Variants in SHANK2 observed in about 807,000 individuals in gnomAD.
SHANK2 encodes SH3 and multiple ankyrin repeat domains 2, also known as SH3 and multiple ankyrin repeat domains protein 2.
SHANK2 carries 43 observed loss-of-function variants against 133.7 expected under a neutral mutation model. The ratio of observed to expected loss-of-function variants is 0.32; its 90% CI spans 0.25 to 0.41. The LOEUF (loss-of-function observed/expected upper bound fraction) is 0.41. Ranked by LOEUF, SHANK2 falls within the 10% of genes least tolerant of loss-of-function variation. SHANK2 has a pLI of 1.00. For synonymous variants in SHANK2, 1,017 were observed against 952.8 expected (o/e 1.07, Z -1.24); for missense variants, 1,994 against 2,235.8 (o/e 0.89, Z 2.18).
At chr11:70,582,990 G>T (rs1032333120) in intron 17 of SHANK2, among the ~76,000 whole-genome samples, 1 of 152,218 alleles carries the variant, frequency 6.6e-6, no homozygotes. Context: ...CAGCAGGCTC[G>T]TGGGGCCAGG....
chr11:70,718,341 G>T (rs1480954497), intron 14 of SHANK2, among the ~76,000 whole-genome samples: 1 of 152,216 alleles, frequency 6.6e-6, no homozygotes, highest in Non-Finnish European at 1.5e-5. Flanking sequence ...CTACACAGAC[G>T]CCCTGAGCCT....
intron 6 of SHANK2, among the ~76,000 whole-genome samples, chr11:71,109,699 T>G (rs1383768966): frequency 1.3e-5 from 2 of 152,256 alleles, no homozygotes; most frequent in African/African-American, 2.4e-5. Context: ...TCCTCAACAA[T>G]TCTGCACTGA....
At chr11:70,952,710 T>G in intron 10 of SHANK2, 1 of 405,826 alleles carries the variant, frequency 2.5e-6, no homozygotes, top group Non-Finnish European at 5.2e-6. Context: ...GGCAGCACTC[T>G]GGGGGACGCA....
rs192642655 is a variant in SHANK2 at position 71,120,040 on chromosome 11, C to T, written c.208-1008G>A. Among the ~76,000 whole-genome samples the T allele has an allele frequency of 2.5e-3, 380 of 152,254 alleles. 4 individuals carry two copies. Among genetic ancestry groups the T allele is most frequent in the Admixed American group, 0.015 (231 of 15,290 alleles). On this transcript the variant is annotated intron_variant, in intron 3 of 25. Coordinates refer to ENST00000601538, the MANE Select transcript of SHANK2 (RefSeq NM_012309.5). ...ACACAGGAAAGCAATTACGGAAAAA[C>T]GATTTGATGGAAAATCAAATCAGTT...
chr11:71,107,988 G>A lies in SHANK2; in HGVS notation c.592+1953C>T, dbSNP rs79822240. Among the ~76,000 whole-genome samples, 1,292 of 152,288 alleles carry A rather than the reference G, an allele frequency of 8.5e-3. 15 individuals carry two copies. The highest frequency in any genetic ancestry group is 0.03 in the African/African-American group (1,242 of 41,582). On this transcript the variant is annotated intron_variant, in intron 6 of 25. Coordinates refer to ENST00000601538, the MANE Select transcript of SHANK2 (RefSeq NM_012309.5). ...TGCCCAGTCCCCCGCAGCAGCATCA[G>A]AAATAGCCCTCGACGAGGCCAAGAT... is the stretch of plus-strand genomic sequence containing the variant.
Position 70,487,203 on chromosome 11 carries a change from A to G in SHANK2, c.3090T>C (p.Pro1030=), listed in dbSNP as rs782388534. ...GCTCCTTCACGATGATGGTCGGGAT[A>G]GGGATGGAGCACGTCTTCTCGGGGC... ...EDSPEKTCSI[P]IPTIIVKEPS... is the part of the protein sequence containing the mutation. Residue 1030 remains proline (P), a synonymous_variant, in exon 25 of 26, where the codon CCT becomes CCC. Coordinates refer to ENST00000601538, the MANE Select transcript of SHANK2 (RefSeq NM_012309.5). The surrounding 1 kb of genome is among the most constrained non-coding windows in gnomAD (Gnocchi z 5.8). 5.6e-6 allele frequency: 9 copies of G among 1,613,752 alleles called. No individual in the cohort carries two copies. In the East Asian group the frequency reaches 1.8e-4, roughly 32 times the overall value.
intron 9 of SHANK2, among the ~76,000 whole-genome samples, chr11:71,073,137 T>TTTTC (rs1951165330): frequency 2.3e-5 from 3 of 132,974 alleles, no homozygotes; most frequent in Non-Finnish European, 3.3e-5. Context: ...GTTTTTTTTC[T>TTTTC]TTTTCTTTTC....
chr11:70,708,963 C>A (rs905052367), intron 14 of SHANK2, among the ~76,000 whole-genome samples: 2 of 152,172 alleles, frequency 1.3e-5, no homozygotes, highest in Non-Finnish European at 2.9e-5. Flanking sequence ...ATAATCCCAG[C>A]ACTTTGGGAG....
intron 2 of SHANK2, among the ~76,000 whole-genome samples, chr11:71,160,114 C>G (rs1356247432): frequency 3.3e-5 from 5 of 152,056 alleles, no homozygotes; most frequent in African/African-American, 1.2e-4. Context: ...CAGGGGACAC[C>G]TGAAGGGCTA....
intron 2 of SHANK2, among the ~76,000 whole-genome samples, chr11:71,155,233 A>C (rs1332383049): frequency 7.7e-5 from 7 of 91,264 alleles, no homozygotes; most frequent in South Asian, 4.3e-4. Context: ...GACCTACCCC[A>C]GCCCACGCTC....
At chr11:70,703,301 G>A in intron 14 of SHANK2, among the ~76,000 whole-genome samples, 1 of 152,254 alleles carries the variant, frequency 6.6e-6, no homozygotes. Flanking sequence ...AGAGCCCATT[G>A]TGGTGCAGCC....
chr11:70,922,081 T>C (rs1201764722), intron 10 of SHANK2, among the ~76,000 whole-genome samples: 1 of 152,098 alleles, frequency 6.6e-6, no homozygotes, highest in Non-Finnish European at 1.5e-5. Flanking sequence ...CAAGAAACAA[T>C]TGAATGCAGA....
At chr11:71,076,545 A>C (rs1951222848) in intron 8 of SHANK2, among the ~76,000 whole-genome samples, 1 of 151,982 alleles carries the variant, frequency 6.6e-6, no homozygotes, top group Non-Finnish European at 1.5e-5. Flanking sequence ...AAAAAAAAAA[A>C]CCACACACAC....
chr11:70,813,480 G>A (rs1948320217), intron 12 of SHANK2, among the ~76,000 whole-genome samples: 1 of 152,126 alleles, frequency 6.6e-6, no homozygotes, highest in South Asian at 2.1e-4. Flanking sequence ...GGGAGCTAGG[G>A]GAGCCCCTGA....
chr11:70,742,584 AC>A (rs1485495943), intron 14 of SHANK2, among the ~76,000 whole-genome samples: 1 of 151,754 alleles, frequency 6.6e-6, no homozygotes, highest in African/African-American at 2.4e-5. Context: ...AGTTCACGCC[AC>A]CCCCCACCCG....
intron 15 of SHANK2, among the ~76,000 whole-genome samples, chr11:70,680,889 T>C (rs950672750): frequency 5.9e-5 from 9 of 152,244 alleles, no homozygotes; most frequent in South Asian, 2.1e-4. Context: ...ACACCTCAGA[T>C]TGGGCACCAG....
chr11:71,105,339 T>C (rs1951785252), intron 6 of SHANK2, among the ~76,000 whole-genome samples: 1 of 152,058 alleles, frequency 6.6e-6, no homozygotes, highest in South Asian at 2.1e-4. Context: ...ACACCTGTAA[T>C]CCCAGCACTT....
Position 70,471,264 on chromosome 11 carries a change from GA to G in SHANK2, c.*1604del, listed in dbSNP as rs879990185. On this transcript the variant is annotated 3_prime_UTR_variant, in exon 26 of 26. Coordinates refer to ENST00000601538, the MANE Select transcript of SHANK2 (RefSeq NM_012309.5). The surrounding 1 kb of genome is among the most constrained non-coding windows in gnomAD (Gnocchi z 4.1). ...TTCCAGACCTAATCAAGAAAAAAAG[GA>G]AAAAAAAAAAACAAAACCATGTTTT... 1.4e-3 allele frequency: 471 copies of G among 335,448 alleles called. No homozygotes were observed. The highest frequency in any genetic ancestry group is 5.5e-3 in the South Asian group (36 of 6,576). The allele number at this position is 335,448 out of a possible 1,614,324, so 20.8% of individuals were successfully genotyped here.
intron 14 of SHANK2, among the ~76,000 whole-genome samples, chr11:70,706,658 G>A (rs1483245146): frequency 3.3e-5 from 5 of 151,856 alleles, no homozygotes; most frequent in Non-Finnish European, 5.9e-5. Flanking sequence ...GAGGGCCATC[G>A]GTCCAGACAC....
Sources: gnomAD v4.1 joint callset for allele counts (sites outside exome capture counted in the v4.1 genomes callset) on GRCh38, gnomAD v4.1.1 for gene constraint, Gnocchi (gnomAD v3.1) non-coding constraint, MANE v1.5 for transcripts, NCBI Gene and HGNC (gene_info 2026-07-23, HGNC 2026-07-21) for gene names.